Variants in IL1RAPL2 observed in about 807,000 individuals in gnomAD.
IL1RAPL2 encodes the protein X-linked interleukin-1 receptor accessory protein-like 2.
A neutral mutation model predicts 44.1 loss-of-function variants in IL1RAPL2; 3 were observed. The observed-to-expected ratio is 0.07, with a 90% CI of 0.03 to 0.18. The LOEUF (loss-of-function observed/expected upper bound fraction) is 0.18. Among genes scored for constraint, IL1RAPL2 ranks in the 10% least tolerant of loss-of-function variants. IL1RAPL2 has a pLI of 1.00. For missense variants in IL1RAPL2, 391 were observed against 496.4 expected, an observed-to-expected ratio of 0.79 and a Z score of 2.02; for synonymous variants, 181 against 178.8, an observed-to-expected ratio of 1.01 and a Z score of -0.10.
intron 2 of IL1RAPL2, among the ~76,000 whole-genome samples, chrX:104,773,755 A>G (rs1175065647): frequency 8.9e-6 from 1 of 112,462 alleles, no homozygotes; most frequent in Non-Finnish European, 1.9e-5. Context: ...GGATGAGAGC[A>G]GAGGTTAAAT....
chrX:104,841,484 A>T (rs1366262759), intron 2 of IL1RAPL2, among the ~76,000 whole-genome samples: 1 of 111,455 alleles, frequency 9.0e-6, no homozygotes, highest in African/African-American at 3.3e-5. Context: ...TCGTAGTGTC[A>T]TTGGTCTTTA....
At chrX:105,629,207 C>A (rs1286022731) in intron 6 of IL1RAPL2, among the ~76,000 whole-genome samples, 1 of 111,347 alleles carries the variant, frequency 9.0e-6, no homozygotes, top group African/African-American at 3.3e-5. Context: ...GGCTTAGAAG[C>A]AGTAGGTTCC....
At chrX:104,797,180 C>A (rs1932853933) in intron 2 of IL1RAPL2, among the ~76,000 whole-genome samples, 1 of 39,758 alleles carries the variant, frequency 2.5e-5, no homozygotes, top group Admixed American at 3.1e-4. Flanking sequence ...GTAATGATCT[C>A]TTCAGCCCCC....
chrX:105,276,124 G>A (rs778856844), intron 5 of IL1RAPL2, among the ~76,000 whole-genome samples: 2 of 112,715 alleles, frequency 1.8e-5, no homozygotes, highest in South Asian at 3.6e-4. Context: ...ACTCAAATGC[G>A]GCCAGGCACG....
intron 6 of IL1RAPL2, among the ~76,000 whole-genome samples, chrX:105,663,104 CTT>C (rs1478736803): frequency 1.8e-5 from 2 of 111,893 alleles, no homozygotes; most frequent in Non-Finnish European, 3.8e-5. Flanking sequence ...TGTTGGTTCA[CTT>C]ACATGTGGGT....
At chrX:105,021,947 G>A (rs148551355) in intron 2 of IL1RAPL2, among the ~76,000 whole-genome samples, 2 of 110,948 alleles carry the variant, frequency 1.8e-5, no homozygotes, top group Non-Finnish European at 3.8e-5. Flanking sequence ...AATACATTTA[G>A]GGTGTGAGCA....
intron 6 of IL1RAPL2, among the ~76,000 whole-genome samples, chrX:105,619,470 G>A (rs1195690558): frequency 7.2e-5 from 8 of 111,434 alleles, no homozygotes; most frequent in Non-Finnish European, 1.3e-4. Context: ...TGCAGTTTCT[G>A]AAAATAACCA....
intron 2 of IL1RAPL2, among the ~76,000 whole-genome samples, chrX:104,827,505 G>T (rs915974117): frequency 3.6e-5 from 4 of 111,640 alleles, no homozygotes; most frequent in Non-Finnish European, 7.5e-5. Flanking sequence ...CTGTTAGTCT[G>T]ATGGCCTTCC....
At chrX:104,806,880 T>G (rs1296122747) in intron 2 of IL1RAPL2, among the ~76,000 whole-genome samples, 1 of 111,852 alleles carries the variant, frequency 8.9e-6, no homozygotes, top group Non-Finnish European at 1.9e-5. Flanking sequence ...CGTAAAGGGG[T>G]TAGCATAGTG....
At chrX:105,269,438 C>T (rs1019617653) in intron 5 of IL1RAPL2, among the ~76,000 whole-genome samples, 1 of 110,673 alleles carries the variant, frequency 9.0e-6, no homozygotes, top group African/African-American at 3.3e-5. Flanking sequence ...ACTTCACTCT[C>T]TGTACTAATA....
At chrX:105,173,802 G>A (rs1376275569) in intron 2 of IL1RAPL2, among the ~76,000 whole-genome samples, 1 of 107,640 alleles carries the variant, frequency 9.3e-6, no homozygotes, top group African/African-American at 3.4e-5. Flanking sequence ...GCATGATCTC[G>A]GCTCACTGCA....
chrX:105,293,359 G>T (rs1045230392), intron 5 of IL1RAPL2, among the ~76,000 whole-genome samples: 1 of 111,795 alleles, frequency 8.9e-6, no homozygotes, highest in African/African-American at 3.3e-5. Flanking sequence ...TCACTTTTAT[G>T]TGACTGCATA....
intron 6 of IL1RAPL2, among the ~76,000 whole-genome samples, chrX:105,622,707 C>T: frequency 9.0e-6 from 1 of 111,677 alleles, no homozygotes; most frequent in East Asian, 2.8e-4. Context: ...AGGTGTTTGA[C>T]TTAAAGTATT....
intron 3 of IL1RAPL2, among the ~76,000 whole-genome samples, chrX:105,221,040 A>G (rs1556181418): frequency 1.8e-5 from 2 of 111,785 alleles, no homozygotes; most frequent in African/African-American, 6.5e-5. Context: ...ACCCATGAAA[A>G]TTCTGCAGTT....
At chrX:104,673,812 A>G (rs868334638) in intron 2 of IL1RAPL2, among the ~76,000 whole-genome samples, 46 of 108,214 alleles carry the variant, frequency 4.3e-4, no homozygotes, top group African/African-American at 1.5e-3. Flanking sequence ...GAGGTCCTTC[A>G]CATCCCTTGT....
chrX:105,377,000 G>C (rs1220388084), intron 5 of IL1RAPL2, among the ~76,000 whole-genome samples: 2 of 111,984 alleles, frequency 1.8e-5, no homozygotes, highest in Non-Finnish European at 3.8e-5. Flanking sequence ...AAACATTGCA[G>C]GTAACAAAAG....
intron 1 of IL1RAPL2, among the ~76,000 whole-genome samples, chrX:104,657,978 A>G (rs1293754977): frequency 1.8e-5 from 2 of 112,273 alleles, no homozygotes; most frequent in Non-Finnish European, 3.8e-5. Flanking sequence ...CAGATGCTGG[A>G]GAGGATGTGG....
rs931438612 is a variant in IL1RAPL2 at position 104,909,215 on chromosome X, C to T, written c.82+250220C>T. On this transcript the variant is annotated intron_variant, in intron 2 of 10. Coordinates refer to ENST00000372582, the MANE Select transcript of IL1RAPL2 (RefSeq NM_017416.2). ...TCCATCAGCTCCTTTAAGCACTTCT[C>T]TGTATTGTTTATTCTAGTTATACAT... Among the ~76,000 whole-genome samples, 10 of 111,800 alleles carry T rather than the reference C, an allele frequency of 8.9e-5. No individual in the cohort carries two copies. The Admixed American group carries it at 9.5e-4, about 11-fold the overall frequency.
At chrX:105,626,732 ATT>A (rs1488843438) in intron 6 of IL1RAPL2, among the ~76,000 whole-genome samples, 2 of 111,860 alleles carry the variant, frequency 1.8e-5, no homozygotes, top group East Asian at 5.7e-4. Context: ...AAAGGTGATA[ATT>A]TTTATTAGAT....
Sources: gnomAD v4.1 joint callset for allele counts (sites outside exome capture counted in the v4.1 genomes callset) on GRCh38, gnomAD v4.1.1 for gene constraint, MANE v1.5 for transcripts, NCBI Gene and HGNC (gene_info 2026-07-23, HGNC 2026-07-21) for gene names.